Variants in GULP1 observed in about 807,000 individuals in gnomAD.
GULP1 encodes GULP PTB domain containing engulfment adaptor 1.
A neutral mutation model predicts 40.9 loss-of-function variants in GULP1; 19 were observed. The ratio of observed to expected loss-of-function variants is 0.46; its 90% CI spans 0.32 to 0.68. The LOEUF (loss-of-function observed/expected upper bound fraction) is 0.68, where lower values mean the gene tolerates loss of function less well. Ranked by LOEUF, GULP1 falls within the 30% of genes least tolerant of loss-of-function variation. The pLI, the probability that GULP1 is intolerant of heterozygous loss-of-function variation, is 0.03. For synonymous variants in GULP1, 119 were observed against 117.6 expected (o/e 1.01, Z -0.08); for missense variants, 312 against 362.2 (o/e 0.86, Z 1.12).
chr2:188,463,001 T>C (rs79021602), intron 2 of GULP1, among the ~76,000 whole-genome samples: 1 of 152,314 alleles, frequency 6.6e-6, no homozygotes, highest in East Asian at 1.9e-4. Context: ...TTTTAGTTAT[T>C]ATTTTTGATT....
chr2:188,295,426 AT>A (rs2105885922), intron 1 of GULP1, among the ~76,000 whole-genome samples: 1 of 152,124 alleles, frequency 6.6e-6, no homozygotes, highest in East Asian at 1.9e-4. Flanking sequence ...CTTCTTAAAC[AT>A]TTTTCCAACA....
At chr2:188,460,367 GGTTAA>G (rs2059599845) in intron 2 of GULP1, among the ~76,000 whole-genome samples, 3 of 148,810 alleles carry the variant, frequency 2.0e-5, no homozygotes, top group African/African-American at 4.9e-5. Flanking sequence ...TCACTTCTTT[GGTTAA>G]GTTAATTCCT....
At chr2:188,391,371 A>G (rs1391323172) in intron 2 of GULP1, among the ~76,000 whole-genome samples, 1 of 151,938 alleles carries the variant, frequency 6.6e-6, no homozygotes, top group Non-Finnish European at 1.5e-5. Context: ...TTTTGCAGCT[A>G]TTGTAAAAGA....
chr2:188,529,238 T>A (rs745452876), intron 6 of GULP1, 43 bp downstream of exon 6: 11 of 888,768 alleles, frequency 1.2e-5, no homozygotes, highest in Non-Finnish European at 1.8e-5. Context: ...TTTAATTAAT[T>A]GCAATTATAT....
At chr2:188,502,658 A>T (rs1358782871) in intron 4 of GULP1, among the ~76,000 whole-genome samples, 3 of 151,950 alleles carry the variant, frequency 2.0e-5, no homozygotes, top group Non-Finnish European at 2.9e-5. Flanking sequence ...GTTAGAAATC[A>T]TCTCCTTCTT....
chr2:188,510,252 TG>T (rs2064366281), intron 4 of GULP1, among the ~76,000 whole-genome samples: 1 of 152,132 alleles, frequency 6.6e-6, no homozygotes, highest in Non-Finnish European at 1.5e-5. Flanking sequence ...ATGATCAGTA[TG>T]TTGTATAGTC....
At chr2:188,486,482 A>G (rs2061871630) in intron 4 of GULP1, among the ~76,000 whole-genome samples, 1 of 151,984 alleles carries the variant, frequency 6.6e-6, no homozygotes. Flanking sequence ...ATTTAACAGA[A>G]CTACTTAAGA....
chr2:188,456,654 G>A (rs1271760428), intron 2 of GULP1, among the ~76,000 whole-genome samples: 2 of 152,224 alleles, frequency 1.3e-5, no homozygotes, highest in Non-Finnish European at 2.9e-5. Flanking sequence ...GAAGGGAAAT[G>A]TGGGGTGAGA....
intron 7 of GULP1, among the ~76,000 whole-genome samples, chr2:188,562,058 A>G (rs1360528293): frequency 6.6e-6 from 1 of 152,130 alleles, no homozygotes; most frequent in African/African-American, 2.4e-5. Context: ...CAACAGCCCA[A>G]GTTTCCCTAA....
intron 2 of GULP1, among the ~76,000 whole-genome samples, chr2:188,464,745 C>T (rs967909126): frequency 2.6e-5 from 4 of 152,010 alleles, no homozygotes; most frequent in African/African-American, 9.7e-5. Context: ...CCATTTTTGC[C>T]TCCCCTTTCC....
intron 2 of GULP1, among the ~76,000 whole-genome samples, chr2:188,474,238 G>A (rs1425862994): frequency 1.3e-5 from 2 of 152,084 alleles, no homozygotes; most frequent in African/African-American, 4.8e-5. Context: ...AATTGCCTCA[G>A]CTTGTGTCTC....
chr2:188,431,376 A>G (rs1415068383), intron 2 of GULP1, among the ~76,000 whole-genome samples: 12 of 152,206 alleles, frequency 7.9e-5, no homozygotes, highest in Non-Finnish European at 1.6e-4. Context: ...GTTGAAGAAG[A>G]GAGTTAGCAT....
At chr2:188,372,858 G>A (rs979701865) in intron 1 of GULP1, among the ~76,000 whole-genome samples, 1 of 151,900 alleles carries the variant, frequency 6.6e-6, no homozygotes, top group Admixed American at 6.6e-5. Flanking sequence ...ACTATCTTCA[G>A]GTATCACAGA....
At chr2:188,570,141 T>G in intron 9 of GULP1, 21 bp downstream of exon 9, 1 of 964,506 alleles carries the variant, frequency 1.0e-6, no homozygotes, top group Non-Finnish European at 1.6e-6. Flanking sequence ...TGAATATCCT[T>G]AGAAACAAGA....
intron 1 of GULP1, among the ~76,000 whole-genome samples, chr2:188,357,387 T>C (rs1435486955): frequency 6.6e-6 from 1 of 152,122 alleles, no homozygotes; most frequent in African/African-American, 2.4e-5. Flanking sequence ...AATGGGCAAA[T>C]GATCTGACTA....
intron 7 of GULP1, among the ~76,000 whole-genome samples, chr2:188,551,375 C>T (rs1693406905): frequency 6.6e-6 from 1 of 151,648 alleles, no homozygotes; most frequent in Admixed American, 6.6e-5. Context: ...TCTCTACCTC[C>T]ATGTGATGAA....
intron 1 of GULP1, among the ~76,000 whole-genome samples, chr2:188,303,526 G>A (rs1029033723): frequency 6.6e-6 from 1 of 152,148 alleles, no homozygotes; most frequent in Non-Finnish European, 1.5e-5. Flanking sequence ...AGGTAGGAAT[G>A]TTACAGATGC....
At chr2:188,539,340 G>C (rs1437332431) in intron 6 of GULP1, among the ~76,000 whole-genome samples, 1 of 151,936 alleles carries the variant, frequency 6.6e-6, no homozygotes. Context: ...GTCAGTATTT[G>C]GGAGCTATCG....
chr2:188,528,716 A>G lies in GULP1; in HGVS notation c.163-381A>G, dbSNP rs141829584. ...TAAAAATGGCAAAGAGGGCATATTC[A>G]ACAGCTGATGAACTGCAAATTCTCT... On this transcript the variant is annotated intron_variant, in intron 5 of 11. Transcript: ENST00000409830. 1.5e-4 allele frequency among the ~76,000 whole-genome samples: 23 copies of G among 152,304 alleles called. No homozygotes were observed. The East Asian group carries it at 4.4e-3, about 29-fold the overall frequency.
Sources: allele counts gnomAD v4.1 joint callset (sites outside exome capture counted in the v4.1 genomes callset), GRCh38; gene constraint gnomAD v4.1.1; transcripts MANE v1.5; gene names NCBI Gene and HGNC (gene_info 2026-07-23, HGNC 2026-07-21).